The following STAU1 variants were observed in gnomAD, a reference collection of about 807,000 sequenced individuals.
The protein encoded by STAU1 is staufen double-stranded RNA binding protein 1.
In STAU1, 13 loss-of-function variants were observed where a neutral mutation model predicts 62.9. The observed-to-expected ratio is 0.21, with a 90% CI of 0.13 to 0.33. The LOEUF (loss-of-function observed/expected upper bound fraction) is 0.33. Ranked by LOEUF, STAU1 falls within the 10% of genes least tolerant of loss-of-function variation. The pLI is 1.00. For missense variants in STAU1, 571 were observed against 712.1 expected (o/e 0.80, Z 2.25); for synonymous variants, 269 against 265.1 (o/e 1.01, Z -0.14).
chr20:49,169,991 T>C (rs348275), intron 2 of STAU1, among the ~76,000 whole-genome samples: 111,607 of 152,160 alleles, frequency 0.73, 41,797 homozygotes, highest in African/African-American at 0.88. Context: ...AGAATCTTGC[T>C]TTGGCTGGCA....
chr20:49,179,321 T>G (rs1336553821), intron 1 of STAU1: 2 of 152,182 alleles, frequency 1.3e-5, no homozygotes, highest in African/African-American at 2.4e-5. Context: ...TTATTTCACT[T>G]TTATTCTTTT....
intron 3 of STAU1, among the ~76,000 whole-genome samples, chr20:49,162,792 G>C (rs2093469287): frequency 1.3e-5 from 2 of 149,864 alleles, no homozygotes; most frequent in Admixed American, 1.3e-4. Flanking sequence ...AAAAAAAACA[G>C]ATTTATAAAG....
the STAU1 span, among the ~76,000 whole-genome samples, chr20:49,207,605 T>A: frequency 6.6e-6 from 1 of 151,336 alleles, no homozygotes; most frequent in Admixed American, 6.6e-5. Flanking sequence ...AACCTCCGCC[T>A]CCCAGGTTCA....
chr20:49,165,859 T>C, intron 3 of STAU1, 138 bp downstream of exon 3: 3 of 805,772 alleles, frequency 3.7e-6, no homozygotes, highest in Non-Finnish European at 6.1e-6. Flanking sequence ...ATATCTGGGA[T>C]AAAGAAGTGT....
chr20:49,157,457 G>GCACA (rs1325982568), intron 3 of STAU1, among the ~76,000 whole-genome samples: 1 of 151,780 alleles, frequency 6.6e-6, no homozygotes, highest in African/African-American at 2.4e-5. Flanking sequence ...GGGACTACAG[G>GCACA]CACACACCAC....
intron 2 of STAU1, among the ~76,000 whole-genome samples, chr20:49,168,517 TC>T (rs1181033479): frequency 6.6e-6 from 1 of 151,018 alleles, no homozygotes; most frequent in African/African-American, 2.4e-5. Context: ...AATATGTAGT[TC>T]AAAACAAAAC....
In STAU1 at chr20:49,117,014, G is replaced by C; in HGVS notation, c.1632+112C>G. The stretch of plus-strand genomic sequence containing the variant: ...CTATCAAACGATTCATTGCTCTCAA[G>C]GTCTATGGGACAATCTTTCTCCCAT... On this transcript the variant is annotated intron_variant, in intron 12 of 13. Transcript: ENST00000371856. This position sits in a 1 kb window ranked among gnomAD's most constrained non-coding sequence, Gnocchi z 4.6. 7.3e-7 allele frequency: 1 copy of C among 1,366,376 alleles called. No homozygotes were observed. Among genetic ancestry groups the C allele is most frequent in the Non-Finnish European group, 1.0e-6 (1 of 992,642 alleles). The allele number at this position is 1,366,376 out of a possible 1,614,324, so 84.6% of individuals were successfully genotyped here. A position where few individuals can be genotyped will look rare whatever the true frequency, so the allele number is the denominator to read the frequency against.
chr20:49,180,929 A>C (rs2093717088), intron 1 of STAU1, among the ~76,000 whole-genome samples: 1 of 152,108 alleles, frequency 6.6e-6, no homozygotes, highest in Non-Finnish European at 1.5e-5. Context: ...CAATTATCCT[A>C]AACAAAAAGC....
chr20:49,184,748 T>C (rs947479870), intron 1 of STAU1, among the ~76,000 whole-genome samples: 1 of 152,214 alleles, frequency 6.6e-6, no homozygotes, highest in Non-Finnish European at 1.5e-5. Flanking sequence ...CTTTCCCAGA[T>C]ACTAAATTGG....
chr20:49,137,193 T>G (rs2092904719), intron 5 of STAU1, among the ~76,000 whole-genome samples: 1 of 151,966 alleles, frequency 6.6e-6, no homozygotes, highest in Non-Finnish European at 1.5e-5. Flanking sequence ...AATAAAGAAA[T>G]AAATAAGGAT....
chr20:49,176,344 T>A (rs983504312), intron 1 of STAU1, among the ~76,000 whole-genome samples: 2 of 152,176 alleles, frequency 1.3e-5, no homozygotes, highest in African/African-American at 4.8e-5. Context: ...CATAATCATT[T>A]TTAGAAGTGA....
At chr20:49,130,797 G>A (rs1203913633) in intron 6 of STAU1, among the ~76,000 whole-genome samples, 2 of 152,140 alleles carry the variant, frequency 1.3e-5, no homozygotes, top group East Asian at 3.9e-4. Context: ...CAGCACTCTG[G>A]GAGGCCAAGG....
intron 1 of STAU1, among the ~76,000 whole-genome samples, chr20:49,177,771 TA>T (rs2093677666): frequency 6.6e-6 from 1 of 151,894 alleles, no homozygotes; most frequent in Admixed American, 6.6e-5. Context: ...AAGACAATGC[TA>T]AAAAATAACC....
At chr20:49,195,847 G>C in the STAU1 span, among the ~76,000 whole-genome samples, 1 of 131,362 alleles carries the variant, frequency 7.6e-6, no homozygotes, top group East Asian at 2.5e-4. Context: ...AGGTTGCAGT[G>C]AGATAGCGCC....
intron 3 of STAU1, among the ~76,000 whole-genome samples, chr20:49,163,332 T>C (rs1456715541): frequency 6.6e-6 from 1 of 152,076 alleles, no homozygotes; most frequent in Non-Finnish European, 1.5e-5. Flanking sequence ...CTGTCTCCTA[T>C]TCATAAGAAT....
At chr20:49,218,328 C>T in the STAU1 span, among the ~76,000 whole-genome samples, 2 of 150,182 alleles carry the variant, frequency 1.3e-5, no homozygotes, top group Non-Finnish European at 3.0e-5. Flanking sequence ...GGGTTCACAC[C>T]ATTCTCCTGC....
At chr20:49,211,725 C>A in the STAU1 span, among the ~76,000 whole-genome samples, 1 of 152,060 alleles carries the variant, frequency 6.6e-6, no homozygotes, top group Non-Finnish European at 1.5e-5. Flanking sequence ...CCAGGCTGAT[C>A]TTGAACTCCT....
intron 6 of STAU1, among the ~76,000 whole-genome samples, chr20:49,126,389 T>C (rs897330051): frequency 1.3e-5 from 2 of 150,982 alleles, no homozygotes; most frequent in African/African-American, 4.9e-5. Context: ...CAGCAAGACC[T>C]TGACTCTACA....
intron 3 of STAU1, chr20:49,158,588 T>G: frequency 9.6e-7 from 1 of 1,046,158 alleles, no homozygotes; most frequent in South Asian, 1.3e-5. Context: ...GGCAGGCAGA[T>G]CACTTGAGGT....
Sources: gnomAD v4.1 joint callset for allele counts (sites outside exome capture counted in the v4.1 genomes callset) on GRCh38, gnomAD v4.1.1 for gene constraint, Gnocchi (gnomAD v3.1) non-coding constraint, MANE v1.5 for transcripts, NCBI Gene and HGNC (gene_info 2026-07-23, HGNC 2026-07-21) for gene names.